WSB1: variants seen among roughly 807,000 people sequenced by gnomAD.
WSB1 encodes WD repeat and SOCS box-containing protein 1.
Under a neutral mutation model 50.2 loss-of-function variants are expected in WSB1, and 23 were observed. That is an observed-to-expected ratio of 0.46 (90% confidence interval 0.33 to 0.65). The LOEUF is 0.65. Among genes scored for constraint, WSB1 ranks in the 30% least tolerant of loss-of-function variants. The pLI, the probability that WSB1 is intolerant of heterozygous loss-of-function variation, is 0.02. For synonymous variants in WSB1, 179 were observed against 172.0 expected (o/e 1.04, Z -0.32); for missense variants, 492 against 522.3 (o/e 0.94, Z 0.56).
intron 5 of WSB1, chr17:27,308,399 G>A (rs553272251): frequency 7.7e-5 from 76 of 984,720 alleles, no homozygotes; most frequent in Middle Eastern, 5.2e-4. Flanking sequence ...TAATTGAACC[G>A]TTTTATATTC....
At chr17:27,307,619 T>G in intron 5 of WSB1, 1 of 922,946 alleles carries the variant, frequency 1.1e-6, no homozygotes, top group African/African-American at 1.7e-5. Flanking sequence ...GTTATAAATG[T>G]TGGAAGTTTA....
intron 1 of WSB1, 56 bp from the exon 2 acceptor site, chr17:27,301,732 T>G: frequency 1.9e-6 from 3 of 1,570,518 alleles, no homozygotes; most frequent in South Asian, 1.1e-5. Context: ...ATGGAAGCAG[T>G]CTCACATGTA....
chr17:27,307,412 G>T, intron 5 of WSB1: 1 of 371,230 alleles, frequency 2.7e-6, no homozygotes, highest in South Asian at 3.4e-5. Flanking sequence ...TGTTAAGAGG[G>T]TTATGCTTAT....
chr17:27,306,916 A>G (rs375192622), intron 5 of WSB1, 34 bp downstream of exon 5: 2 of 1,591,230 alleles, frequency 1.3e-6, no homozygotes, highest in Non-Finnish European at 8.6e-7. Flanking sequence ...TTCATTATGA[A>G]TTGGATTATG....
chr17:27,311,500 C>G lies in WSB1; in HGVS notation c.999-9C>G, dbSNP rs770652630. 1 of 1,575,256 alleles carries G rather than the reference C, an allele frequency of 6.3e-7. No individual in the cohort carries two copies. The highest frequency in any genetic ancestry group is 8.6e-7 in the Non-Finnish European group (1 of 1,167,786). The stretch of plus-strand genomic sequence containing the variant: ...CTACAAGATACTAAATAATTTATTT[C>G]ATTTTCAGAATGGTGAGGTTCTGGA... On this transcript the variant is annotated splice_polypyrimidine_tract_variant and intron_variant, in intron 7 of 8. Transcript: ENST00000262394.
chr17:27,298,878 GT>G (rs2017104252), intron 1 of WSB1, among the ~76,000 whole-genome samples: 1 of 151,886 alleles, frequency 6.6e-6, no homozygotes, highest in Non-Finnish European at 1.5e-5. Context: ...AAAAAAAAAA[GT>G]TTGTTTTTTG....
chr17:27,310,724 TTTTG>T (rs1173497215), intron 7 of WSB1, among the ~76,000 whole-genome samples: 2 of 152,334 alleles, frequency 1.3e-5, no homozygotes, highest in African/African-American at 4.8e-5. Flanking sequence ...GAGAGGTTTT[TTTTG>T]TTTGTTTGTC....
At chr17:27,304,198 G>C (rs2017349707) in intron 3 of WSB1, among the ~76,000 whole-genome samples, 1 of 152,006 alleles carries the variant, frequency 6.6e-6, no homozygotes, top group African/African-American at 2.4e-5. Context: ...CATAACAAGT[G>C]ATACTAACAT....
chr17:27,306,973 G>C, intron 5 of WSB1, 91 bp downstream of exon 5: 1 of 1,203,682 alleles, frequency 8.3e-7, no homozygotes, highest in Non-Finnish European at 1.2e-6. Context: ...TATGAAGTCT[G>C]TGCTCGGTGT....
At chr17:27,299,273 G>A (rs944188213) in intron 1 of WSB1, among the ~76,000 whole-genome samples, 1 of 152,166 alleles carries the variant, frequency 6.6e-6, no homozygotes, top group Admixed American at 6.5e-5. Flanking sequence ...TACTTTGGGA[G>A]GCTGAAGGTG....
chr17:27,308,578 C>T (rs2017550564), intron 5 of WSB1: 1 of 985,828 alleles, frequency 1.0e-6, no homozygotes, highest in Non-Finnish European at 1.2e-6. Flanking sequence ...ATTCTATTTG[C>T]TTGCAGTATC....
intron 1 of WSB1, among the ~76,000 whole-genome samples, chr17:27,296,547 A>G (rs2016989861): frequency 1.3e-5 from 2 of 152,198 alleles, no homozygotes; most frequent in Admixed American, 6.5e-5. Context: ...ATTTCCATGA[A>G]TGATTAAATA....
intron 4 of WSB1, among the ~76,000 whole-genome samples, chr17:27,305,917 C>A (rs2017431176): frequency 2.0e-5 from 3 of 152,186 alleles, no homozygotes; most frequent in Admixed American, 1.3e-4. Context: ...AATATAAGCT[C>A]CAAGATAGTG....
In WSB1 at chr17:27,304,863, T is replaced by G; in HGVS notation, c.562T>G (p.Ser188Ala). ...FAPDGSLILV[S>A]ASRDKTLRVW... Reference sequence around the variant, plus strand: ...TCCAGATGGAAGCTTGATCCTGGTGTCAGCTTCAAGAGACAAAACTCTCAG... The same window carrying G: ...TCCAGATGGAAGCTTGATCCTGGTGGCAGCTTCAAGAGACAAAACTCTCAG... The change falls in exon 4 of 9, where the codon TCA (serine) becomes GCA (alanine). Residue 188 changes from serine to alanine, a missense_variant. Ser to Ala is a moderately conservative substitution (Grantham distance 99). Transcript: ENST00000262394. The G allele has an allele frequency of 6.2e-7, 1 of 1,614,110 alleles. No homozygotes were observed. Among genetic ancestry groups the G allele is most frequent in the Non-Finnish European group, 8.5e-7 (1 of 1,179,996 alleles).
At position 27,304,763 on chromosome 17, in the gene WSB1, T is replaced by C. The variant is rs142046323; in HGVS notation, c.479-17T>C. The C allele has an allele frequency of 1.2e-6, 2 of 1,606,376 alleles. No individual in the cohort carries two copies. The highest frequency in any genetic ancestry group is 1.7e-6 in the Non-Finnish European group (2 of 1,176,786). ...ATATTAATACTGTCTTTTTTTTCCC[T>C]TTTCTATCATATTTAGGAAAACTCC... On this transcript the variant is annotated splice_polypyrimidine_tract_variant and intron_variant, in intron 3 of 8. Transcript: ENST00000262394.
chr17:27,311,662 G>A, intron 8 of WSB1, 46 bp downstream of exon 8: 3 of 773,908 alleles, frequency 3.9e-6, no homozygotes, highest in Non-Finnish European at 5.2e-6. Context: ...TTTTTTTTGA[G>A]ATGTAGTCTC....
At chr17:27,297,879 G>A (rs889581694) in intron 1 of WSB1, among the ~76,000 whole-genome samples, 1 of 152,010 alleles carries the variant, frequency 6.6e-6, no homozygotes, top group Non-Finnish European at 1.5e-5. Flanking sequence ...AGGCCGAGGT[G>A]GGCAGATCAC....
intron 4 of WSB1, among the ~76,000 whole-genome samples, chr17:27,306,202 C>CTTTTTTTTTT: frequency 1.6e-5 from 1 of 63,144 alleles, no homozygotes; most frequent in Non-Finnish European, 3.0e-5. Context: ...AGAATTCTGT[C>CTTTTTTTTTT]TTTTTTTTTT....
intron 1 of WSB1, among the ~76,000 whole-genome samples, chr17:27,294,780 T>C (rs188461325): frequency 7.2e-5 from 11 of 152,276 alleles, no homozygotes; most frequent in South Asian, 4.1e-4. Flanking sequence ...TCAGGGACTT[T>C]AGGTTTACAA....
Sources: gnomAD v4.1 joint callset for allele counts (sites outside exome capture counted in the v4.1 genomes callset) on GRCh38, gnomAD v4.1.1 for gene constraint, MANE v1.5 for transcripts, NCBI Gene and HGNC (gene_info 2026-07-23, HGNC 2026-07-21) for gene names.